The following LINC00632 variants were observed in gnomAD, a reference collection of about 807,000 sequenced individuals.
LINC00632 encodes long independently transcribed non-coding RNA 632.
intron 3 of LINC00632, among the ~76,000 whole-genome samples, chrX:140,759,661 T>C (rs1374207083): frequency 1.8e-5 from 2 of 111,366 alleles, no homozygotes; most frequent in East Asian, 5.6e-4. Flanking sequence ...GTTTGGCTCG[T>C]GTATTCTTTG....
At chrX:140,782,295 G>C in exon 5 of LINC00632, 1 of 111,820 alleles carries the variant, frequency 8.9e-6, no homozygotes, top group Non-Finnish European at 1.9e-5. Context: ...CTGTTCTTCA[G>C]TTTCTCTAAC....
chrX:140,728,920 A>G (rs1402532442), intron 2 of LINC00632, among the ~76,000 whole-genome samples: 1 of 111,122 alleles, frequency 9.0e-6, no homozygotes, highest in African/African-American at 3.3e-5. Context: ...CCTACAAAAC[A>G]TAAAAATGTA....
chrX:140,742,664 G>C (rs1022961670), intron 3 of LINC00632, among the ~76,000 whole-genome samples: 5 of 110,555 alleles, frequency 4.5e-5, no homozygotes, highest in South Asian at 7.7e-4. Context: ...TTCAGGCAGT[G>C]ATTCTATATC....
At chrX:140,751,393 CAT>C (rs1262549199) in intron 3 of LINC00632, among the ~76,000 whole-genome samples, 1 of 106,739 alleles carries the variant, frequency 9.4e-6, no homozygotes, top group Non-Finnish European at 1.9e-5. Context: ...AGCATTTTTT[CAT>C]ATGTTTGTTG....
At chrX:140,749,855 A>AT (rs964470491) in intron 3 of LINC00632, among the ~76,000 whole-genome samples, 1 of 109,504 alleles carries the variant, frequency 9.1e-6, no homozygotes, top group African/African-American at 3.3e-5. Flanking sequence ...AATTTTAAAC[A>AT]TTTTTTTGAA....
At chrX:140,711,200 TA>T (rs1292749787) in intron 1 of LINC00632, among the ~76,000 whole-genome samples, 1 of 111,554 alleles carries the variant, frequency 9.0e-6, no homozygotes, top group Non-Finnish European at 1.9e-5. Context: ...CCCTTTATTA[TA>T]AAAATATCAT....
In LINC00632 at chrX:140,719,913, C is replaced by A. The variant is rs1009535778; in HGVS notation, n.104+8257C>A. Among the ~76,000 whole-genome samples the A allele has an allele frequency of 1.4e-4, 15 of 108,794 alleles. No homozygotes were observed. The East Asian group carries it at 4.5e-3, about 33-fold the overall frequency. 94.5% of individuals were successfully genotyped at this position (108,794 alleles called of 115,157 possible). ...GACCAGCCTGGCCAACATGGTGAAA[C>A]CCTGACTCTACTAAAAATACAAAAA... On this transcript the variant is annotated intron_variant and non_coding_transcript_variant, in intron 2 of 4. Transcript: ENST00000648200.
chrX:140,736,465 ACTC>A (rs1931146037), intron 3 of LINC00632, among the ~76,000 whole-genome samples: 1 of 82,994 alleles, frequency 1.2e-5, no homozygotes, highest in Non-Finnish European at 2.2e-5. Context: ...TGAGACAGAG[ACTC>A]GTTCTGTTGC....
exon 5 of LINC00632, among the ~76,000 whole-genome samples, chrX:140,787,849 G>A (rs1243511206): frequency 3.7e-5 from 4 of 109,495 alleles, no homozygotes; most frequent in Non-Finnish European, 7.6e-5. Flanking sequence ...AAATACCTTC[G>A]GGAAAATAAC....
chrX:140,728,472 C>T (rs1931002757), intron 2 of LINC00632, among the ~76,000 whole-genome samples: 1 of 109,355 alleles, frequency 9.1e-6, no homozygotes, highest in Non-Finnish European at 1.9e-5. Flanking sequence ...CCCAGAATTA[C>T]CCCAGGACTC....
intron 3 of LINC00632, among the ~76,000 whole-genome samples, chrX:140,737,047 G>A (rs1208835809): frequency 1.9e-5 from 2 of 106,747 alleles, no homozygotes; most frequent in African/African-American, 6.8e-5. Context: ...TTATAGGTGC[G>A]AGCCGCGACA....
At chrX:140,713,528 G>T (rs778743074) in intron 2 of LINC00632, 3 of 339,961 alleles carry the variant, frequency 8.8e-6, no homozygotes, top group Non-Finnish European at 1.8e-5. Context: ...TACTAAGGGG[G>T]ACTTGCCTGG....
exon 5 of LINC00632, among the ~76,000 whole-genome samples, chrX:140,789,472 C>A (rs1459727597): frequency 1.8e-5 from 2 of 111,173 alleles, no homozygotes; most frequent in Non-Finnish European, 3.8e-5. Flanking sequence ...TGGTTGTTAA[C>A]AGTTTGTTGC....
intron 2 of LINC00632, among the ~76,000 whole-genome samples, chrX:140,717,240 C>T (rs895915861): frequency 9.0e-6 from 1 of 110,888 alleles, no homozygotes; most frequent in Non-Finnish European, 1.9e-5. Context: ...CTCAGGCTCC[C>T]AAAGTGCTGG....
intron 2 of LINC00632, among the ~76,000 whole-genome samples, chrX:140,733,449 G>A (rs1207777942): frequency 2.7e-5 from 3 of 111,879 alleles, no homozygotes; most frequent in African/African-American, 9.7e-5. Context: ...AATGATTTGA[G>A]GTCATTTTCT....
exon 5 of LINC00632, chrX:140,784,740 T>C: frequency 5.0e-6 from 1 of 198,162 alleles, no homozygotes; most frequent in Non-Finnish European, 1.0e-5. Context: ...TTCCCCTGTC[T>C]GAGCCTTCCC....
chrX:140,754,490 T>C (rs1353353466), intron 3 of LINC00632, among the ~76,000 whole-genome samples: 3 of 111,723 alleles, frequency 2.7e-5, no homozygotes, highest in Non-Finnish European at 3.8e-5. Flanking sequence ...TACTCAAAAA[T>C]CTAGCAAACA....
At chrX:140,739,525 G>C (rs73590177) in intron 3 of LINC00632, among the ~76,000 whole-genome samples, 2,651 of 111,187 alleles carry the variant, frequency 0.024, 79 homozygotes, top group African/African-American at 0.083. Flanking sequence ...CCATCCACAT[G>C]TGAAACTTTT....
At chrX:140,768,744 A>G (rs1045436642) in intron 3 of LINC00632, among the ~76,000 whole-genome samples, 16 of 99,950 alleles carry the variant, frequency 1.6e-4, no homozygotes, top group Non-Finnish European at 2.0e-4. Flanking sequence ...TTAAATATAT[A>G]ACATATTTAT....
Sources: gnomAD v4.1 joint callset for allele counts (sites outside exome capture counted in the v4.1 genomes callset) on GRCh38, gnomAD v4.1.1 for gene constraint, MANE v1.5 for transcripts, NCBI Gene and HGNC (gene_info 2026-07-23, HGNC 2026-07-21) for gene names.